MTRF1: variants seen among roughly 807,000 people sequenced by gnomAD.
MTRF1 encodes mitochondrial translation release factor 1.
In MTRF1, 51 loss-of-function variants were observed where a neutral mutation model predicts 62.9. The observed-to-expected ratio is 0.81, with a 90% confidence interval of 0.65 to 1.02. The LOEUF is 1.02. Among genes scored for constraint, MTRF1 ranks in the 50% least tolerant of loss-of-function variants. The pLI is 0.00. For synonymous variants in MTRF1, 158 were observed against 181.9 expected (o/e 0.87, Z 1.06); for missense variants, 446 against 530.0 (o/e 0.84, Z 1.56).
chr13:41,241,968 C>CTT (rs2037563513), intron 5 of MTRF1, among the ~76,000 whole-genome samples: 1 of 152,220 alleles, frequency 6.6e-6, no homozygotes, highest in African/African-American at 2.4e-5. Flanking sequence ...GGTGATAAGT[C>CTT]TAATTCTATC....
upstream of MTRF1, among the ~76,000 whole-genome samples, chr13:41,264,273 A>C (rs2040761756): frequency 6.6e-6 from 1 of 152,204 alleles, no homozygotes; most frequent in Non-Finnish European, 1.5e-5. Flanking sequence ...TCCACATGTT[A>C]GTGATTTTAT....
chr13:41,301,772 C>G, the MTRF1 span, among the ~76,000 whole-genome samples: 1 of 151,802 alleles, frequency 6.6e-6, no homozygotes, highest in Non-Finnish European at 1.5e-5. Flanking sequence ...AAGGCAAGGA[C>G]CAGAGCTGCA....
At chr13:41,309,455 G>A in the MTRF1 span, among the ~76,000 whole-genome samples, 1 of 151,782 alleles carries the variant, frequency 6.6e-6, no homozygotes, top group Non-Finnish European at 1.5e-5. Flanking sequence ...CGCCCAAAGT[G>A]CTGGGATTAC....
intron 6 of MTRF1, among the ~76,000 whole-genome samples, chr13:41,237,601 A>G (rs757022761): frequency 6.6e-6 from 1 of 152,192 alleles, no homozygotes; most frequent in Non-Finnish European, 1.5e-5. Flanking sequence ...GGCTCAAGCA[A>G]TTCTCCTGCC....
the MTRF1 span, among the ~76,000 whole-genome samples, chr13:41,269,750 T>C: frequency 2.6e-5 from 4 of 152,208 alleles, no homozygotes; most frequent in East Asian, 7.7e-4. Flanking sequence ...ATTTTAGTTA[T>C]GAAAACTATG....
At chr13:41,301,853 G>A in the MTRF1 span, among the ~76,000 whole-genome samples, 1 of 152,276 alleles carries the variant, frequency 6.6e-6, no homozygotes, top group African/African-American at 2.4e-5. Context: ...GCTGCTCTCA[G>A]ATGAACAGAT....
At chr13:41,234,931 C>G (rs1412759165) in intron 6 of MTRF1, among the ~76,000 whole-genome samples, 1 of 152,070 alleles carries the variant, frequency 6.6e-6, no homozygotes, top group Non-Finnish European at 1.5e-5. Context: ...ACTCTAGCAC[C>G]TTTTAGTGGA....
chr13:41,228,215 T>C (rs1365640504), intron 7 of MTRF1, among the ~76,000 whole-genome samples: 2 of 152,172 alleles, frequency 1.3e-5, no homozygotes, highest in East Asian at 1.9e-4. Context: ...TAGAGGAGTA[T>C]TTAATAATGA....
the MTRF1 span, among the ~76,000 whole-genome samples, chr13:41,277,009 AC>A: frequency 6.6e-6 from 1 of 151,038 alleles, no homozygotes; most frequent in African/African-American, 2.4e-5. Flanking sequence ...TTGCATAACC[AC>A]CCCCATCCCT....
At chr13:41,248,059 C>A (rs754568075) in intron 5 of MTRF1, among the ~76,000 whole-genome samples, 2 of 152,154 alleles carry the variant, frequency 1.3e-5, no homozygotes, top group Non-Finnish European at 2.9e-5. Flanking sequence ...GGCTGTAAGT[C>A]CCTTTGCGGA....
At chr13:41,273,716 A>C in the MTRF1 span, among the ~76,000 whole-genome samples, 22 of 152,218 alleles carry the variant, frequency 1.4e-4, no homozygotes, top group African/African-American at 4.3e-4. Context: ...GCACACCTGC[A>C]ATCCCAGCTA....
chr13:41,260,518 A>G lies in MTRF1; in HGVS notation c.390T>C (p.Ile130=). 1 of 1,613,204 alleles carries G rather than the reference A, an allele frequency of 6.2e-7. No individual in the cohort carries two copies. Among genetic ancestry groups the G allele is most frequent in the Non-Finnish European group, 8.5e-7 (1 of 1,179,514 alleles). The change falls in exon 2 of 10, where the codon ATT becomes ATC. Residue 130 remains isoleucine (I), a synonymous_variant. Transcript: ENST00000379480. ...TTTTACACATTGATTCTAATTCTTC[A>G]ATTGCTTGTTCAGTCTCCTGAATTT... ...YQEIQETEQA[I]EELESMCKSL...
At chr13:41,233,767 A>C (rs2035998386) in intron 7 of MTRF1, 123 bp downstream of exon 7, 3 of 748,948 alleles carry the variant, frequency 4.0e-6, no homozygotes, top group Non-Finnish European at 6.9e-6. Context: ...CCTGATCCAC[A>C]ACCCCAGTGA....
At chr13:41,245,804 A>T (rs914676998) in intron 5 of MTRF1, among the ~76,000 whole-genome samples, 1 of 152,106 alleles carries the variant, frequency 6.6e-6, no homozygotes, top group African/African-American at 2.4e-5. Context: ...GCTTTGTGTA[A>T]TGTTCAAATA....
intron 5 of MTRF1, among the ~76,000 whole-genome samples, chr13:41,251,592 G>A (rs1051294155): frequency 1.3e-5 from 2 of 152,028 alleles, no homozygotes. Context: ...CCCCTTTCCT[G>A]ACCACTGGTT....
chr13:41,275,110 A>G, the MTRF1 span, among the ~76,000 whole-genome samples: 1 of 152,220 alleles, frequency 6.6e-6, no homozygotes, highest in African/African-American at 2.4e-5. Flanking sequence ...TGTTGGCTGA[A>G]GATTCATTTG....
the MTRF1 span, among the ~76,000 whole-genome samples, chr13:41,277,747 C>T: frequency 7.2e-5 from 11 of 152,152 alleles, no homozygotes. Flanking sequence ...AGCCTTCAGC[C>T]CCTCTCCCCT....
the MTRF1 span, among the ~76,000 whole-genome samples, chr13:41,295,809 T>C: frequency 3.9e-5 from 6 of 152,206 alleles, no homozygotes; most frequent in Non-Finnish European, 8.8e-5. Flanking sequence ...TGAGATAGGA[T>C]CTTGCTTTGC....
chr13:41,271,083 ACACACACAC>A, the MTRF1 span, among the ~76,000 whole-genome samples: 68 of 133,892 alleles, frequency 5.1e-4, no homozygotes, highest in African/African-American at 1.8e-3. Context: ...ACACACACAC[ACACACACAC>A]CCCATATAGC....
Sources: gnomAD v4.1 joint callset for allele counts (sites outside exome capture counted in the v4.1 genomes callset) on GRCh38, gnomAD v4.1.1 for gene constraint, MANE v1.5 for transcripts, NCBI Gene and HGNC (gene_info 2026-07-23, HGNC 2026-07-21) for gene names.